AMPD3: variants seen among roughly 807,000 people sequenced by gnomAD.
AMPD3 encodes the protein AMP deaminase 3.
A neutral mutation model predicts 82.3 loss-of-function variants in AMPD3; 57 were observed. The ratio of observed to expected loss-of-function variants is 0.69; its 90% confidence interval spans 0.56 to 0.86. The LOEUF (loss-of-function observed/expected upper bound fraction) is 0.86, where lower values mean the gene tolerates loss of function less well. AMPD3 is among the 40% of genes least tolerant of loss of function. AMPD3 has a pLI of 0.00. For missense variants in AMPD3, 870 were observed against 1,003.8 expected (o/e 0.87, Z 1.80); for synonymous variants, 381 against 394.7 (o/e 0.97, Z 0.41).
chr11:10,459,690 G>T (rs1848201593), intron 1 of AMPD3, among the ~76,000 whole-genome samples: 1 of 152,140 alleles, frequency 6.6e-6, no homozygotes, highest in Admixed American at 6.5e-5. Flanking sequence ...TTGTCGAAAA[G>T]GGTGCAGTAT....
chr11:10,490,779 T>G (rs866632693), intron 6 of AMPD3, among the ~76,000 whole-genome samples: 1 of 152,096 alleles, frequency 6.6e-6, no homozygotes, highest in African/African-American at 2.4e-5. Flanking sequence ...CATGCTGAGG[T>G]CATTGTACCA....
chr11:10,504,138 CTATCT>C, intron 13 of AMPD3: 2 of 328,016 alleles, frequency 6.1e-6, no homozygotes, highest in Non-Finnish European at 7.9e-6. Flanking sequence ...ATCTATCTAT[CTATCT>C]ATCTATTTAT....
At chr11:10,472,187 A>C (rs1398175741) in intron 2 of AMPD3, among the ~76,000 whole-genome samples, 1 of 152,156 alleles carries the variant, frequency 6.6e-6, no homozygotes, top group South Asian at 2.1e-4. Context: ...GCAAACTAAC[A>C]CAAGAAGAGA....
Position 10,502,742 on chromosome 11 carries a change from T to C in AMPD3, c.1864T>C (p.Tyr622His). ...GCAGAGTCCGGTATTGCAGTATCTC[T>C]ACTACCTTGCTCAGATCCCCATTGC... is the stretch of plus-strand genomic sequence containing the variant. Reference protein sequence around the residue: ...LKKSPVLQYLYYLAQIPIAMS... With the variant: ...LKKSPVLQYLHYLAQIPIAMS... Residue 622 changes from tyrosine (Y) to histidine (H), a missense_variant, in exon 13 of 15, where the codon TAC (tyrosine) becomes CAC (histidine). Physicochemically the swap from Tyr to His is moderately conservative, Grantham distance 83 (BLOSUM62 2). Coordinates refer to ENST00000396553, the MANE Select transcript of AMPD3 (RefSeq NM_001025389.2). 3 of 1,614,246 alleles carry C rather than the reference T, an allele frequency of 1.9e-6. No homozygotes were observed. Among genetic ancestry groups the C allele is most frequent in the South Asian group, 2.2e-5 (2 of 91,090 alleles).
rs1179687405 is a variant in AMPD3, at chr11:10,459,402, G to GAC, written c.-5-2112_-5-2111insCA. ...CTGGTACCTAGAATTATGCCACTTA[G>GAC]AGCTGAGAGGGCCTTAGAGACCACT... On this transcript the variant is annotated intron_variant, in intron 1 of 14. Coordinates refer to ENST00000396553, the MANE Select transcript of AMPD3 (RefSeq NM_001025389.2). Among the ~76,000 whole-genome samples, 10 of 152,170 alleles carry GAC rather than the reference G, an allele frequency of 6.6e-5. No individual in the cohort carries two copies. The South Asian group carries it at 1.2e-3, about 19-fold the overall frequency.
Position 10,455,304 on chromosome 11 carries a change from T to G in AMPD3, c.-150T>G, listed in dbSNP as rs1848061119. ...AGATGAAGATCAGAGCTTTGCACCC[T>G]GTGATGCCATTTTAATCAACCCTGC... On this transcript the variant is annotated 5_prime_UTR_variant, in exon 1 of 15. Coordinates refer to ENST00000396553, the MANE Select transcript of AMPD3 (RefSeq NM_001025389.2). 2.0e-6 allele frequency: 2 copies of G among 985,494 alleles called. No homozygotes were observed. The highest frequency in any genetic ancestry group is 2.4e-6 in the Non-Finnish European group (2 of 829,972). 61.0% of individuals were successfully genotyped at this position (985,494 alleles called of 1,614,324 possible).
chr11:10,465,586 G>A (rs992479632), intron 2 of AMPD3, among the ~76,000 whole-genome samples: 5 of 152,136 alleles, frequency 3.3e-5, no homozygotes, highest in South Asian at 2.1e-4. Context: ...AAGGTGAGGC[G>A]TTGCCTCACC....
chr11:10,485,057 C>CG lies in AMPD3; in HGVS notation c.809+20dup. On this transcript the variant is annotated intron_variant, in intron 5 of 14. Transcript: ENST00000396553. The stretch of plus-strand genomic sequence containing the variant: ...GGCCCCACGTAAGCTAGCTTCTCCG[C>CG]GGCTGCCTGTCTTTGCACAGGTGCT... 6.2e-7 allele frequency: 1 copy of CG among 1,604,402 alleles called. No individual in the cohort carries two copies. The highest frequency in any genetic ancestry group is 8.5e-7 in the Non-Finnish European group (1 of 1,175,410).
chr11:10,494,572 T>C (rs952899781), intron 7 of AMPD3: 79 of 985,266 alleles, frequency 8.0e-5, no homozygotes, highest in Non-Finnish European at 9.2e-5. Flanking sequence ...CTTTACAAAA[T>C]GTGAGTAGTG....
At position 10,496,399 on chromosome 11, in the gene AMPD3, G is replaced by T. The variant is rs973262332; in HGVS notation, c.1431-413G>T. The T allele has an allele frequency of 4.1e-6, 4 of 985,332 alleles. No individual in the cohort carries two copies. The African/African-American group carries it at 7.0e-5, about 17-fold the overall frequency. 61.0% of individuals were successfully genotyped at this position (985,332 alleles called of 1,614,324 possible). On this transcript the variant is annotated intron_variant, in intron 9 of 14. Transcript: ENST00000396553. ...CCTGGATGTCACTCAGACGGCTGCT[G>T]TCCTCTCCAGGCGGCTGGCCAGGGT...
At chr11:10,488,234 CTT>C in intron 6 of AMPD3, 1 of 985,476 alleles carries the variant, frequency 1.0e-6, no homozygotes, top group East Asian at 1.1e-4. Context: ...TTTCCATTCT[CTT>C]TTGCTGAAGC....
chr11:10,504,690 C>G, intron 14 of AMPD3, 31 bp downstream of exon 14: 1 of 1,597,750 alleles, frequency 6.3e-7, no homozygotes. Context: ...GCCTGTGTCC[C>G]TCCTGGGAAG....
chr11:10,482,699 A>G (rs1013883735), intron 4 of AMPD3, among the ~76,000 whole-genome samples: 27 of 145,346 alleles, frequency 1.9e-4, no homozygotes, highest in Admixed American at 1.1e-3. Context: ...ATATATTATT[A>G]TGTTTTGTAG....
upstream of AMPD3, chr11:10,455,241 A>C: frequency 1.0e-6 from 1 of 985,404 alleles, no homozygotes; most frequent in Non-Finnish European, 1.2e-6. Context: ...CTGGGAGGCT[A>C]TGTGTCTGTT....
Position 10,505,808 on chromosome 11 carries a change from A to G in AMPD3, c.2228A>G (p.Tyr743Cys). 8 of 1,614,234 alleles carry G rather than the reference A, an allele frequency of 5.0e-6. No individual in the cohort carries two copies. The highest frequency in any genetic ancestry group is 6.8e-6 in the Non-Finnish European group (8 of 1,180,046). The change falls in exon 15 of 15, where the codon TAT (tyrosine) becomes TGT (cysteine). Residue 743 changes from tyrosine (Y) to cysteine (C), a missense_variant. By Grantham distance (194) the Tyr-to-Cys change is radical (BLOSUM62 -2). Coordinates refer to ENST00000396553, the MANE Select transcript of AMPD3 (RefSeq NM_001025389.2). ...GCTCAGATCCGGATGGCATTCCGAT[A>G]TGAGACCTTATGCAATGAGCTCAGC... ...NVAQIRMAFR[Y>C]ETLCNELSFL...
At chr11:10,497,773 G>A (rs1435981822) in intron 10 of AMPD3, 8 of 985,244 alleles carry the variant, frequency 8.1e-6, no homozygotes, top group African/African-American at 7.0e-5. Context: ...GACAGGAGGG[G>A]AGCTTGACCC....
chr11:10,485,628 C>G (rs554445047), intron 5 of AMPD3, among the ~76,000 whole-genome samples: 1 of 152,232 alleles, frequency 6.6e-6, no homozygotes, highest in African/African-American at 2.4e-5. Context: ...TCATCCCTCT[C>G]CCCAGGCAGG....
rs139511483 is a variant in AMPD3 at position 10,493,489 on chromosome 11, C to T, written c.1080C>T (p.Asp360=). ...AGATCACCCTGCGGCAGGTGTTTGA[C>T]GGCCTGCACATGGACCCCTACGACC... ...GRKITLRQVF[D]GLHMDPYDLT... is the part of the protein sequence containing the mutation. The change falls in exon 7 of 15, where the codon GAC becomes GAT. Residue 360 remains aspartate, a synonymous_variant. Transcript: ENST00000396553. 1.2e-3 allele frequency: 1,993 copies of T among 1,614,168 alleles called. 1 individual carries two copies. Among genetic ancestry groups the T allele is most frequent in the Non-Finnish European group, 1.6e-3 (1,886 of 1,180,030 alleles).
rs369697650 is a variant in AMPD3, at chr11:10,487,277, G to A, written c.852G>A (p.Lys284=). ...CHRRLNFLES[K]FSLHEMLNEM... ...GGCGACTGAACTTTCTGGAATCCAA[G>A]TTCAGCCTTCATGAGATGTTAAACG... is the stretch of plus-strand genomic sequence containing the variant. Residue 284 remains lysine, a synonymous_variant, in exon 6 of 15, where the codon AAG becomes AAA. Transcript: ENST00000396553. The A allele has an allele frequency of 6.2e-7, 1 of 1,614,104 alleles. No homozygotes were observed. Among genetic ancestry groups the A allele is most frequent in the African/African-American group, 1.3e-5 (1 of 74,932 alleles).
Sources: allele counts gnomAD v4.1 joint callset (sites outside exome capture counted in the v4.1 genomes callset), GRCh38; gene constraint gnomAD v4.1.1; transcripts MANE v1.5; gene names NCBI Gene and HGNC (gene_info 2026-07-23, HGNC 2026-07-21).